Variants in GAS7 observed in about 807,000 individuals in gnomAD.
The protein encoded by GAS7 is growth arrest specific 7.
In GAS7, 28 loss-of-function variants were observed where a neutral mutation model predicts 71.1. The ratio of observed to expected loss-of-function variants is 0.39; its 90% CI spans 0.29 to 0.54. GAS7 has a LOEUF of 0.54. Among genes scored for constraint, GAS7 ranks in the 20% least tolerant of loss-of-function variants. The probability of loss-of-function intolerance (pLI) is 0.62; values close to 1 mark genes in which losing one functional copy is unlikely to be tolerated. For synonymous variants in GAS7, 258 were observed against 245.8 expected (o/e 1.05, Z -0.46); for missense variants, 436 against 627.8 (o/e 0.69, Z 3.27).
intron 1 of GAS7, among the ~76,000 whole-genome samples, chr17:10,156,218 G>T (rs914804276): frequency 6.6e-6 from 1 of 152,090 alleles, no homozygotes; most frequent in Non-Finnish European, 1.5e-5. Context: ...ACCCTGGGGA[G>T]CCCATTCTGG....
chr17:10,098,147 T>C lies in GAS7; in HGVS notation c.184-78250A>G, dbSNP rs531084441. ...CCACTCCATGCCCCCATTCACCTTA[T>C]GCCACCCTTTTCTTCTCTCCAGGAG... On this transcript the variant is annotated intron_variant, in intron 1 of 13. Coordinates refer to ENST00000432992, the MANE Select transcript of GAS7 (RefSeq NM_201433.2). 5.3e-5 allele frequency among the ~76,000 whole-genome samples: 8 copies of C among 152,254 alleles called. No individual in the cohort carries two copies. The South Asian group carries it at 1.7e-3, about 32-fold the overall frequency.
rs558664817 is a variant in GAS7, at chr17:9,914,332, T to G, written c.*2896A>C. 1 of 184,974 alleles carries G rather than the reference T, an allele frequency of 5.4e-6. No homozygotes were observed. Among genetic ancestry groups the G allele is most frequent in the South Asian group, 2.0e-4 (1 of 5,112 alleles). 11.5% of individuals were successfully genotyped at this position (184,974 alleles called of 1,614,324 possible). ...ATCTCCGCCTCCCAGGTTCAAGCGA[T>G]TCTACTGCCTCAGCCTGCCGAATAG... On this transcript the variant is annotated 3_prime_UTR_variant, in exon 14 of 14. Coordinates refer to ENST00000432992, the MANE Select transcript of GAS7 (RefSeq NM_201433.2).
chr17:10,026,120 C>T lies in GAS7; in HGVS notation c.184-6223G>A, dbSNP rs564018253. The T allele has an allele frequency of 4.1e-5, 40 of 978,968 alleles. No individual in the cohort carries two copies. The African/African-American group carries it at 5.6e-4, about 14-fold the overall frequency. The allele number at this position is 978,968 out of a possible 1,614,324, so 60.6% of individuals were successfully genotyped here. A position where few individuals can be genotyped will look rare whatever the true frequency, so the allele number is the denominator to read the frequency against. ...CCACCTCCGGGACTCTCTCCCCCTCCGGAGGTTTCTGAGAACACCTGACTC... is the reference window on the plus strand; with the variant it reads ...CCACCTCCGGGACTCTCTCCCCCTCTGGAGGTTTCTGAGAACACCTGACTC... On this transcript the variant is annotated intron_variant, in intron 1 of 13. Coordinates refer to ENST00000432992, the MANE Select transcript of GAS7 (RefSeq NM_201433.2). The surrounding 1 kb of genome is among the most constrained non-coding windows in gnomAD (Gnocchi z 4.5).
intron 1 of GAS7, among the ~76,000 whole-genome samples, chr17:10,120,688 G>C (rs1415570117): frequency 1.3e-5 from 2 of 152,178 alleles, no homozygotes; most frequent in South Asian, 4.1e-4. Context: ...CTCCAGCCTG[G>C]GGGACAAGAG....
At chr17:10,059,031 T>C (rs8072084) in intron 1 of GAS7, among the ~76,000 whole-genome samples, 31,008 of 152,240 alleles carry the variant, frequency 0.2, 3,757 homozygotes, top group African/African-American at 0.34. Context: ...CTTTCACTGT[T>C]GTGTACACCC....
At chr17:10,033,290 GC>G (rs767393862) in intron 1 of GAS7, among the ~76,000 whole-genome samples, 3 of 152,122 alleles carry the variant, frequency 2.0e-5, no homozygotes, top group Non-Finnish European at 4.4e-5. Flanking sequence ...AGCAGAAAAA[GC>G]CTGGGAACAA....
intron 4 of GAS7, among the ~76,000 whole-genome samples, chr17:9,963,161 G>T (rs866648886): frequency 6.6e-6 from 1 of 152,128 alleles, no homozygotes; most frequent in Non-Finnish European, 1.5e-5. Flanking sequence ...AAAAGGAATG[G>T]AGTGTTCATC....
At chr17:10,055,293 G>T (rs1402272392) in intron 1 of GAS7, among the ~76,000 whole-genome samples, 3 of 152,204 alleles carry the variant, frequency 2.0e-5, no homozygotes, top group Admixed American at 6.5e-5. Context: ...CCTCGTGGGA[G>T]ATGTAAGGTA....
intron 1 of GAS7, among the ~76,000 whole-genome samples, chr17:10,046,856 A>G (rs2152233089): frequency 7.0e-6 from 1 of 142,382 alleles, no homozygotes; most frequent in Middle Eastern, 3.5e-3. Flanking sequence ...AAAGAAAAGA[A>G]AAGAAAAAAG....
rs1380317795 is a variant in GAS7 at position 9,910,813 on chromosome 17, A to G, written c.*6415T>C. On this transcript the variant is annotated 3_prime_UTR_variant, in exon 14 of 14. Transcript: ENST00000432992. Reference sequence around the variant, plus strand: ...CAGTGTTACTTATAAATTATATTACATCAATTTTATTTACTGATCTAGGCA... The same window carrying G: ...CAGTGTTACTTATAAATTATATTACGTCAATTTTATTTACTGATCTAGGCA... 1 of 226,338 alleles carries G rather than the reference A, an allele frequency of 4.4e-6. No homozygotes were observed. Among genetic ancestry groups the G allele is most frequent in the African/African-American group, 2.2e-5 (1 of 44,938 alleles). The allele number at this position is 226,338 out of a possible 1,614,324, so 14.0% of individuals were successfully genotyped here.
intron 1 of GAS7, among the ~76,000 whole-genome samples, chr17:10,109,121 A>T (rs891077504): frequency 6.6e-6 from 1 of 152,132 alleles, no homozygotes; most frequent in Non-Finnish European, 1.5e-5. Flanking sequence ...ACAGCAAAAA[A>T]AATTTAAAAA....
At position 9,984,933 on chromosome 17, in the gene GAS7, G is replaced by T. The variant is rs73262557; in HGVS notation, c.305-3049C>A. Among the ~76,000 whole-genome samples, 804 of 152,254 alleles carry T rather than the reference G, an allele frequency of 5.3e-3. 10 individuals are homozygous for T. The highest frequency in any genetic ancestry group is 0.018 in the African/African-American group (748 of 41,532). On this transcript the variant is annotated intron_variant, in intron 2 of 13. Coordinates refer to ENST00000432992, the MANE Select transcript of GAS7 (RefSeq NM_201433.2). ...AGGCTTCTCTTCTCTCCTGCCCGTT[G>T]AATCAGCCCTGCCTGGAGGCCGCAC...
At chr17:10,052,753 C>T (rs755393493) in intron 1 of GAS7, among the ~76,000 whole-genome samples, 1 of 152,046 alleles carries the variant, frequency 6.6e-6, no homozygotes, top group Non-Finnish European at 1.5e-5. Context: ...GAAGGGGAAC[C>T]ACCTTGCTCT....
chr17:10,165,680 G>A (rs1369481795), intron 1 of GAS7, among the ~76,000 whole-genome samples: 1 of 152,180 alleles, frequency 6.6e-6, no homozygotes, highest in Non-Finnish European at 1.5e-5. Flanking sequence ...AGGACCCACT[G>A]CTTGCATTTT....
intron 1 of GAS7, among the ~76,000 whole-genome samples, chr17:10,033,161 C>T (rs1004284667): frequency 1.1e-4 from 16 of 152,154 alleles, no homozygotes; most frequent in African/African-American, 3.9e-4. Flanking sequence ...TATCACTTGT[C>T]CTGACCTAGA....
chr17:10,181,802 G>A (rs926531344), intron 1 of GAS7, among the ~76,000 whole-genome samples: 9 of 152,134 alleles, frequency 5.9e-5, no homozygotes, highest in Admixed American at 2.0e-4. Context: ...CAAAGACCCC[G>A]TTGATCAAAC....
intron 1 of GAS7, among the ~76,000 whole-genome samples, chr17:10,161,546 G>A (rs549065603): frequency 3.3e-5 from 5 of 152,316 alleles, no homozygotes; most frequent in South Asian, 4.1e-4. Context: ...CCATGTCAAC[G>A]GGAAAGGAAG....
At chr17:10,019,265 C>G (rs566254878) in intron 2 of GAS7, among the ~76,000 whole-genome samples, 1 of 152,284 alleles carries the variant, frequency 6.6e-6, no homozygotes, top group Non-Finnish European at 1.5e-5. Context: ...CAAAAAACAT[C>G]TGGAGAAATG....
chr17:10,182,057 T>C (rs2074420850), intron 1 of GAS7, among the ~76,000 whole-genome samples: 1 of 152,192 alleles, frequency 6.6e-6, no homozygotes, highest in Non-Finnish European at 1.5e-5. Flanking sequence ...AGAAATCTCA[T>C]GAATAATCTC....
Sources: allele counts gnomAD v4.1 joint callset (sites outside exome capture counted in the v4.1 genomes callset), GRCh38; gene constraint gnomAD v4.1.1; non-coding constraint Gnocchi (gnomAD v3.1); transcripts MANE v1.5; gene names NCBI Gene and HGNC (gene_info 2026-07-23, HGNC 2026-07-21).